The following MBD5 variants were observed in gnomAD, a reference collection of about 807,000 sequenced individuals.
MBD5 encodes the protein methyl-CpG-binding domain protein 5.
MBD5 carries 13 observed loss-of-function variants against 117.3 expected under a neutral mutation model. The observed-to-expected ratio is 0.11, with a 90% CI of 0.07 to 0.18. The LOEUF (loss-of-function observed/expected upper bound fraction) is 0.18. Among genes scored for constraint, MBD5 ranks in the 10% least tolerant of loss-of-function variants. The probability of loss-of-function intolerance (pLI) is 1.00; values close to 1 mark genes in which losing one functional copy is unlikely to be tolerated. For synonymous variants in MBD5, 727 were observed against 766.4 expected (o/e 0.95, Z 0.85); for missense variants, 1,879 against 2,093.8 (o/e 0.90, Z 2.00).
chr2:148,259,450 G>A (rs72856357), intron 3 of MBD5, among the ~76,000 whole-genome samples: 11,635 of 152,154 alleles, frequency 0.076, 665 homozygotes, highest in Admixed American at 0.12. Flanking sequence ...AGCTGCCACC[G>A]TGTATCACAA....
rs773118482 is a variant in MBD5, at chr2:148,021,481, T to TTGCTGCTGCTGCTGCTGC, written c.-1112_-1111insGCTGCTGCTGCTGCTGCT. 79 of 573,410 alleles carry TTGCTGCTGCTGCTGCTGC rather than the reference T, an allele frequency of 1.4e-4. No homozygotes were observed. The Admixed American group carries it at 1.7e-3, about 12-fold the overall frequency. 35.5% of individuals were successfully genotyped at this position (573,410 alleles called of 1,614,324 possible). A position where few individuals can be genotyped will look rare whatever the true frequency, so the allele number is the denominator to read the frequency against. ...GCTGCTGTTGCTGCTGCTGCTGCTGTTGCTGCTGCTGCTGCTACTGCTGCT... is the reference window on the plus strand; with the variant it reads ...GCTGCTGTTGCTGCTGCTGCTGCTGTTGCTGCTGCTGCTGCTGCTGCTGCTGCTGCTGCTACTGCTGCT... On this transcript the variant is annotated 5_prime_UTR_variant, in exon 1 of 14. Coordinates refer to ENST00000642680, the MANE Select transcript of MBD5 (RefSeq NM_001378120.1).
chr2:148,121,931 T>G (rs1172334762), intron 1 of MBD5, among the ~76,000 whole-genome samples: 1 of 152,140 alleles, frequency 6.6e-6, no homozygotes, highest in Non-Finnish European at 1.5e-5. Flanking sequence ...GTTAGACATA[T>G]AGGTCTAAGA....
At position 148,510,932 on chromosome 2, in the gene MBD5, A is replaced by T. The variant is rs1394665821; in HGVS notation, c.5112+797A>T. 3.3e-5 allele frequency among the ~76,000 whole-genome samples: 5 copies of T among 152,200 alleles called. No individual in the cohort carries two copies. In the East Asian group the frequency reaches 9.6e-4, roughly 29 times the overall value. On this transcript the variant is annotated intron_variant, in intron 13 of 13. Coordinates refer to ENST00000642680, the MANE Select transcript of MBD5 (RefSeq NM_001378120.1). Reference sequence around the variant, plus strand: ...TCAAATGTTTTCTAGGGCCAGGCAAATTATATCAGTAAGTAAAGTGGGCCA... The same window carrying T: ...TCAAATGTTTTCTAGGGCCAGGCAATTTATATCAGTAAGTAAAGTGGGCCA...
chr2:148,458,782 C>T lies in MBD5; in HGVS notation c.24C>T (p.Asp8=), dbSNP rs751181406. The T allele has an allele frequency of 6.2e-6, 10 of 1,613,272 alleles. No homozygotes were observed. Among genetic ancestry groups the T allele is most frequent in the South Asian group, 3.3e-5 (3 of 91,072 alleles). Reference sequence around the variant, plus strand: ...AAATGAATGGAGGCAAAGAGTGTGACGGAGGGGACAAGGAAGGAGGTCTTC... The same window carrying T: ...AAATGAATGGAGGCAAAGAGTGTGATGGAGGGGACAAGGAAGGAGGTCTTC... MNGGKEC[D]GGDKEGGLPA... Residue 8 remains aspartate (D), a synonymous_variant, in exon 5 of 14, where the codon GAC becomes GAT. Coordinates refer to ENST00000642680, the MANE Select transcript of MBD5 (RefSeq NM_001378120.1).
At chr2:148,036,538 T>C (rs563593534) in intron 1 of MBD5, among the ~76,000 whole-genome samples, 1 of 152,252 alleles carries the variant, frequency 6.6e-6, no homozygotes, top group Non-Finnish European at 1.5e-5. Flanking sequence ...AAGTTAAGTA[T>C]TGGGCTAGCC....
chr2:148,338,016 C>T (rs548641550), intron 3 of MBD5, among the ~76,000 whole-genome samples: 1 of 152,246 alleles, frequency 6.6e-6, no homozygotes, highest in South Asian at 2.1e-4. Flanking sequence ...TCCTCACTAC[C>T]CTTCACCTGA....
intron 1 of MBD5, among the ~76,000 whole-genome samples, chr2:148,122,364 C>T (rs1042066392): frequency 6.6e-6 from 1 of 152,018 alleles, no homozygotes; most frequent in Non-Finnish European, 1.5e-5. Context: ...AAAGAGATTG[C>T]CTTAATTAAA....
At chr2:148,399,799 A>G (rs1379541997) in intron 4 of MBD5, among the ~76,000 whole-genome samples, 1 of 152,108 alleles carries the variant, frequency 6.6e-6, no homozygotes, top group East Asian at 1.9e-4. Context: ...TTTGTCATAG[A>G]TAACTCTTAT....
At chr2:148,128,113 G>A (rs1247703702) in intron 1 of MBD5, among the ~76,000 whole-genome samples, 1 of 151,908 alleles carries the variant, frequency 6.6e-6, no homozygotes, top group African/African-American at 2.4e-5. Context: ...TAAGTTTCTT[G>A]TAGACTCTGG....
intron 3 of MBD5, among the ~76,000 whole-genome samples, chr2:148,298,615 T>G (rs914711786): frequency 6.6e-6 from 1 of 152,242 alleles, no homozygotes; most frequent in African/African-American, 2.4e-5. Flanking sequence ...CAGAAGTGAG[T>G]CTGGGCTATT....
At chr2:148,144,241 T>G (rs1229907543) in intron 1 of MBD5, among the ~76,000 whole-genome samples, 1 of 151,948 alleles carries the variant, frequency 6.6e-6, no homozygotes, top group Non-Finnish European at 1.5e-5. Context: ...TGCATAAATG[T>G]CTTCTTTTGA....
intron 4 of MBD5, among the ~76,000 whole-genome samples, chr2:148,445,276 TCC>T (rs1349279832): frequency 1.3e-4 from 19 of 151,130 alleles, no homozygotes; most frequent in Admixed American, 1.1e-3. Flanking sequence ...CCTAATGCTA[TCC>T]CTCCCCGCTC....
chr2:148,099,069 A>G (rs1277325641), intron 1 of MBD5, among the ~76,000 whole-genome samples: 1 of 152,098 alleles, frequency 6.6e-6, no homozygotes, highest in Non-Finnish European at 1.5e-5. Context: ...AGTAAAAATA[A>G]TAAGACAAAG....
At chr2:148,146,297 T>C (rs1478925454) in intron 1 of MBD5, among the ~76,000 whole-genome samples, 1 of 152,186 alleles carries the variant, frequency 6.6e-6, no homozygotes, top group Non-Finnish European at 1.5e-5. Flanking sequence ...TCTTGCCCTT[T>C]TGCCCAGGCT....
At chr2:148,081,904 T>A (rs1415743504) in intron 1 of MBD5, among the ~76,000 whole-genome samples, 1 of 152,142 alleles carries the variant, frequency 6.6e-6, no homozygotes, top group Non-Finnish European at 1.5e-5. Flanking sequence ...ATCTTGAGAG[T>A]GATTGCATTT....
rs1482692654 is a variant in MBD5, at chr2:148,442,113, GATCCCA to G, written c.-556-16089_-556-16084del. ...GTGCAGAAGCTCTTTAGTTTACTTA[GATCCCA>G]TTTGTCAATTTTGGCTTTTGTTGCC... On this transcript the variant is annotated intron_variant, in intron 4 of 13. Transcript: ENST00000642680. Among the ~76,000 whole-genome samples the G allele has an allele frequency of 1.2e-3, 182 of 151,858 alleles. 1 individual carries two copies. Among genetic ancestry groups the G allele is most frequent in the African/African-American group, 3.9e-3 (159 of 41,184 alleles).
At chr2:148,239,721 A>G (rs191772788) in intron 3 of MBD5, among the ~76,000 whole-genome samples, 7 of 152,044 alleles carry the variant, frequency 4.6e-5, no homozygotes, top group Non-Finnish European at 7.4e-5. Context: ...ACACACACAT[A>G]TATTGAGATA....
At chr2:148,419,237 A>T (rs890330787) in intron 4 of MBD5, among the ~76,000 whole-genome samples, 1 of 152,162 alleles carries the variant, frequency 6.6e-6, no homozygotes, top group Non-Finnish European at 1.5e-5. Context: ...ACTGAAGATG[A>T]ATTAAAGACT....
intron 4 of MBD5, among the ~76,000 whole-genome samples, chr2:148,452,852 A>G (rs913325818): frequency 4.6e-5 from 7 of 152,220 alleles, no homozygotes; most frequent in South Asian, 4.1e-4. Context: ...GGAAAAATCT[A>G]GAGCAAAAGG....
Sources: gnomAD v4.1 joint callset for allele counts (sites outside exome capture counted in the v4.1 genomes callset) on GRCh38, gnomAD v4.1.1 for gene constraint, MANE v1.5 for transcripts, NCBI Gene and HGNC (gene_info 2026-07-23, HGNC 2026-07-21) for gene names.